Variants in TGFBR3 observed in about 807,000 individuals in gnomAD.
TGFBR3 encodes the protein transforming growth factor beta receptor type 3.
In TGFBR3, 46 loss-of-function variants were observed where a neutral mutation model predicts 87.9. The observed-to-expected ratio is 0.52, with a 90% CI of 0.41 to 0.67. TGFBR3 has a LOEUF of 0.67. Ranked by LOEUF, TGFBR3 falls within the 30% of genes least tolerant of loss-of-function variation. The pLI is 0.00. For synonymous variants in TGFBR3, 381 were observed against 391.6 expected (o/e 0.97, Z 0.32); for missense variants, 866 against 1,041.9 (o/e 0.83, Z 2.32).
chr1:91,703,857 A>C (rs770733034), intron 14 of TGFBR3, among the ~76,000 whole-genome samples: 1 of 152,254 alleles, frequency 6.6e-6, no homozygotes, highest in Non-Finnish European at 1.5e-5. Context: ...GTTACTACTG[A>C]AAATCACAGA....
Position 91,695,481 on chromosome 1 carries a change from T to C in TGFBR3, c.2437+191A>G, listed in dbSNP as rs151287751. 8.5e-5 allele frequency: 53 copies of C among 621,404 alleles called. No homozygotes were observed. The African/African-American group carries it at 9.1e-4, about 11-fold the overall frequency. The allele number at this position is 621,404 out of a possible 1,614,324, so 38.5% of individuals were successfully genotyped here. ...ATCGCAATTAGCACAGTTTAAACCT[T>C]CCTTTTCTTTCCACTGTTTATGGCA... On this transcript the variant is annotated intron_variant, in intron 16 of 16. Transcript: ENST00000212355.
intron 4 of TGFBR3, among the ~76,000 whole-genome samples, chr1:91,745,736 CAT>C (rs1275205538): frequency 6.6e-6 from 1 of 152,220 alleles, no homozygotes; most frequent in Non-Finnish European, 1.5e-5. Context: ...CAATCCGAAA[CAT>C]GTTTTCTATT....
rs1571427190 is a variant in TGFBR3 at position 91,708,542 on chromosome 1, A to C, written c.2287+121T>G. 2.0e-6 allele frequency: 3 copies of C among 1,529,652 alleles called. No homozygotes were observed. The East Asian group carries it at 6.9e-5, about 35-fold the overall frequency. The allele number at this position is 1,529,652 out of a possible 1,614,324, so 94.8% of individuals were successfully genotyped here. ...TCTTCGGGCAAAAAATGGTCTTCTA[A>C]AGTAACTAACTGGCCCTTTAGTTAT... is the stretch of plus-strand genomic sequence containing the variant. On this transcript the variant is annotated intron_variant, in intron 14 of 16. Transcript: ENST00000212355.
intron 10 of TGFBR3, among the ~76,000 whole-genome samples, chr1:91,717,792 C>T (rs1475406497): frequency 6.7e-6 from 1 of 148,516 alleles, no homozygotes; most frequent in Non-Finnish European, 1.5e-5. Flanking sequence ...ACTCAAAGAT[C>T]ATAATAAAGA....
chr1:91,818,382 C>T (rs1676324296), intron 2 of TGFBR3, among the ~76,000 whole-genome samples: 1 of 142,176 alleles, frequency 7.0e-6, no homozygotes. Context: ...GCTGACTCTG[C>T]ACATGCCTCA....
At chr1:91,709,742 A>C (rs1040854326) in intron 13 of TGFBR3, among the ~76,000 whole-genome samples, 1 of 152,136 alleles carries the variant, frequency 6.6e-6, no homozygotes, top group Non-Finnish European at 1.5e-5. Flanking sequence ...TTTCTTGTCT[A>C]TATTTATCAA....
At chr1:91,775,190 C>T (rs4658266) in intron 3 of TGFBR3, among the ~76,000 whole-genome samples, 1 of 151,924 alleles carries the variant, frequency 6.6e-6, no homozygotes. Context: ...TTAGCAAACA[C>T]GGACTCCCCA....
intron 2 of TGFBR3, among the ~76,000 whole-genome samples, chr1:91,853,025 G>A (rs975112455): frequency 3.3e-5 from 5 of 151,544 alleles, no homozygotes; most frequent in African/African-American, 7.3e-5. Context: ...CAGGCATAGC[G>A]GCGTGCACCC....
chr1:91,693,006 G>A (rs1371901206), intron 16 of TGFBR3, among the ~76,000 whole-genome samples: 4 of 152,150 alleles, frequency 2.6e-5, no homozygotes, highest in African/African-American at 4.8e-5. Context: ...GAAATTGAAC[G>A]GACTGAGTCA....
At position 91,742,917 on chromosome 1, in the gene TGFBR3, C is replaced by T. The variant is rs150123911; in HGVS notation, c.385-7958G>A. Among the ~76,000 whole-genome samples, 46 of 152,284 alleles carry T rather than the reference C, an allele frequency of 3.0e-4. 1 individual carries two copies. The highest frequency in any genetic ancestry group is 2.3e-3 in the East Asian group (12 of 5,186). ...CTGGGAGTTTTATTATAAGAACTTA[C>T]GGCTAGGCAACCACAGCCAAGTTTA... On this transcript the variant is annotated intron_variant, in intron 4 of 16. Transcript: ENST00000212355.
rs59188054 is a variant in TGFBR3, at chr1:91,682,404, C to CTT, written c.*1333_*1334dup. 21,950 of 336,948 alleles carry CTT rather than the reference C, an allele frequency of 0.065. 1,289 individuals carry two copies. The highest frequency in any genetic ancestry group is 0.27 in the East Asian group (3,158 of 11,622). 20.9% of individuals were successfully genotyped at this position (336,948 alleles called of 1,614,324 possible). ...AGCATGATAATTCCCCCCTGGCATT[C>CTT]TTTTTTTTTTTTTTTTTTTTTAACA... On this transcript the variant is annotated 3_prime_UTR_variant, in exon 17 of 17. Transcript: ENST00000212355.
At chr1:91,765,112 C>T (rs184076430) in intron 3 of TGFBR3, among the ~76,000 whole-genome samples, 7 of 151,678 alleles carry the variant, frequency 4.6e-5, no homozygotes, top group Non-Finnish European at 8.8e-5. Flanking sequence ...ATGTGTGGCC[C>T]GAGACAATTC....
intron 16 of TGFBR3, among the ~76,000 whole-genome samples, chr1:91,684,834 T>C (rs1434378073): frequency 6.6e-6 from 1 of 152,182 alleles, no homozygotes; most frequent in Non-Finnish European, 1.5e-5. Flanking sequence ...ATAAACTTCA[T>C]AAACTTCTTG....
chr1:91,883,365 AG>A (rs1304563253), intron 1 of TGFBR3, among the ~76,000 whole-genome samples: 4 of 152,224 alleles, frequency 2.6e-5, no homozygotes, highest in Non-Finnish European at 4.4e-5. Context: ...CTATCTGTCC[AG>A]CCACCATGGA....
chr1:91,898,243 C>A (rs935129670), intron 2 of TGFBR3, among the ~76,000 whole-genome samples: 1 of 151,922 alleles, frequency 6.6e-6, no homozygotes, highest in Non-Finnish European at 1.5e-5. Context: ...CCCTTTCTTC[C>A]GCATATGTGT....
chr1:91,797,142 G>T, intron 3 of TGFBR3, 145 bp downstream of exon 3: 1 of 947,844 alleles, frequency 1.1e-6, no homozygotes, highest in Non-Finnish European at 1.7e-6. Context: ...AATCCAGACA[G>T]CAGCTGGTAT....
At position 91,880,598 on chromosome 1, in the gene TGFBR3, A is replaced by C. The variant is rs1557759959; in HGVS notation, c.-114+5280T>G. ...GGGTGACAGAGCGAGACTCCGTCCC[A>C]AAAAAAATAAAAATAAAAATAAAAA... On this transcript the variant is annotated intron_variant, in intron 1 of 16. Transcript: ENST00000212355. Among the ~76,000 whole-genome samples, 4 of 152,014 alleles carry C rather than the reference A, an allele frequency of 2.6e-5. No individual in the cohort carries two copies. In the South Asian group the frequency reaches 6.2e-4, roughly 24 times the overall value.
At chr1:91,820,413 G>T (rs1445033000) in intron 2 of TGFBR3, among the ~76,000 whole-genome samples, 2 of 152,190 alleles carry the variant, frequency 1.3e-5, no homozygotes, top group Non-Finnish European at 2.9e-5. Flanking sequence ...GCCGGGCACG[G>T]TGGCTCACAC....
In TGFBR3 at chr1:91,727,765, T is replaced by C. The variant is rs1672600111; in HGVS notation, c.779A>G (p.Gln260Arg). The C allele has an allele frequency of 1.5e-5, 25 of 1,614,014 alleles. No individual in the cohort carries two copies. Among genetic ancestry groups the C allele is most frequent in the Non-Finnish European group, 1.9e-5 (23 of 1,179,948 alleles). ...ATTTTTGACCACTTCAAGATCCTCT[T>C]GAGAAGGTCTTATATCAATTGTTAT... ...VDITIDIRPS[Q>R]EDLEVVKNLI... The change falls in exon 7 of 17, where the codon CAA (glutamine) becomes CGA (arginine). Residue 260 changes from glutamine to arginine, a missense_variant. Transcript: ENST00000212355.
Sources: allele counts gnomAD v4.1 joint callset (sites outside exome capture counted in the v4.1 genomes callset), GRCh38; gene constraint gnomAD v4.1.1; transcripts MANE v1.5; gene names NCBI Gene and HGNC (gene_info 2026-07-23, HGNC 2026-07-21).